Variants in SSH2 observed in about 807,000 individuals in gnomAD.
SSH2 encodes the protein protein phosphatase Slingshot homolog 2.
SSH2 carries 37 observed loss-of-function variants against 135.2 expected under a neutral mutation model. The observed-to-expected ratio is 0.27, with a 90% CI of 0.21 to 0.36. The LOEUF is 0.36. Among genes scored for constraint, SSH2 ranks in the 10% least tolerant of loss-of-function variants. The probability of loss-of-function intolerance (pLI) is 1.00; values close to 1 mark genes in which losing one functional copy is unlikely to be tolerated. For synonymous variants in SSH2, 628 were observed against 646.2 expected (o/e 0.97, Z 0.43); for missense variants, 1,408 against 1,765.3 (o/e 0.80, Z 3.63).
chr17:29,635,942 C>T (rs759583307), intron 15 of SSH2, 26 bp downstream of exon 15: 9 of 1,524,316 alleles, frequency 5.9e-6, no homozygotes, highest in East Asian at 4.5e-5. Context: ...CTTCATTAGG[C>T]GGAAAACTAT....
Position 29,632,755 on chromosome 17 carries a change from A to G in SSH2, c.2439T>C (p.His813=). ...TCTGGGCCCTCTCAAGGAGCAGCTC[A>G]TGGATGCTGTTCTTCTTTGGTGTAT... is the stretch of plus-strand genomic sequence containing the variant. ...PCHTPKKNSI[H]ELLLERAQTP... The change falls in exon 16 of 16, where the codon CAT becomes CAC. Residue 813 remains histidine, a synonymous_variant. Coordinates refer to ENST00000540801, the MANE Select transcript of SSH2 (RefSeq NM_001282129.2). 1.2e-6 allele frequency: 2 copies of G among 1,614,200 alleles called. No individual in the cohort carries two copies. Among genetic ancestry groups the G allele is most frequent in the Admixed American group, 3.3e-5 (2 of 60,028 alleles).
chr17:29,824,223 T>G (rs539383064), intron 2 of SSH2, among the ~76,000 whole-genome samples: 96 of 152,260 alleles, frequency 6.3e-4, no homozygotes, highest in Admixed American at 1.8e-3. Flanking sequence ...TAAGGAAAAC[T>G]ATCATCTTAC....
At chr17:29,857,066 C>T (rs1272315014) in intron 1 of SSH2, among the ~76,000 whole-genome samples, 2 of 152,066 alleles carry the variant, frequency 1.3e-5, no homozygotes, top group Non-Finnish European at 2.9e-5. Context: ...ATTTCAAAAC[C>T]AATCATGCCT....
chr17:29,849,472 C>T (rs1259860345), intron 1 of SSH2, among the ~76,000 whole-genome samples: 1 of 138,922 alleles, frequency 7.2e-6, no homozygotes, highest in African/African-American at 2.8e-5. Context: ...GAGCGAGACT[C>T]CGTCTCAAAA....
At chr17:29,659,745 G>A (rs1479580177) in intron 11 of SSH2, among the ~76,000 whole-genome samples, 1 of 152,188 alleles carries the variant, frequency 6.6e-6, no homozygotes, top group African/African-American at 2.4e-5. Flanking sequence ...AGCCAGGATG[G>A]TCTAGATCTC....
At chr17:29,635,571 C>G (rs557392270) in intron 15 of SSH2, among the ~76,000 whole-genome samples, 1 of 151,534 alleles carries the variant, frequency 6.6e-6, no homozygotes, top group Non-Finnish European at 1.5e-5. Context: ...CCACACCTGG[C>G]TAATTTTTTG....
At chr17:29,715,824 G>A (rs2039604011) in intron 3 of SSH2, among the ~76,000 whole-genome samples, 1 of 152,162 alleles carries the variant, frequency 6.6e-6, no homozygotes, top group African/African-American at 2.4e-5. Context: ...CACGGTCTCA[G>A]TGCAAGGATA....
chr17:29,720,975 C>G (rs924761895), intron 3 of SSH2, among the ~76,000 whole-genome samples: 1 of 152,196 alleles, frequency 6.6e-6, no homozygotes, highest in African/African-American at 2.4e-5. Context: ...AAAATTCACT[C>G]TACTGGTTTC....
intron 5 of SSH2, 149 bp from the exon 6 acceptor site, chr17:29,684,833 C>G (rs2151078525): frequency 1.6e-6 from 1 of 610,304 alleles, no homozygotes; most frequent in East Asian, 3.3e-5. Context: ...TCAGCTCGTA[C>G]ACTAGCTATA....
intron 3 of SSH2, among the ~76,000 whole-genome samples, chr17:29,738,679 A>G (rs988153439): frequency 6.0e-5 from 9 of 151,194 alleles, no homozygotes; most frequent in African/African-American, 1.9e-4. Flanking sequence ...TCAGCCTCCC[A>G]AGTAGCTGGG....
chr17:29,806,037 C>T (rs760755452), intron 2 of SSH2, among the ~76,000 whole-genome samples: 2 of 152,142 alleles, frequency 1.3e-5, no homozygotes, highest in Non-Finnish European at 2.9e-5. Flanking sequence ...GCTAATTTCA[C>T]TATATTTTGT....
At chr17:29,658,666 C>T (rs1220526587) in intron 11 of SSH2, among the ~76,000 whole-genome samples, 3 of 151,892 alleles carry the variant, frequency 2.0e-5, no homozygotes, top group African/African-American at 7.3e-5. Flanking sequence ...TTGGGAGTTA[C>T]AGACCAGCCT....
chr17:29,761,044 T>C (rs1038243812), intron 3 of SSH2: 82 of 1,171,664 alleles, frequency 7.0e-5, no homozygotes, highest in Non-Finnish European at 8.6e-5. Flanking sequence ...GGATGCGCGC[T>C]CGCCCTCGCT....
At chr17:29,716,710 C>A in intron 3 of SSH2, 2 of 591,760 alleles carry the variant, frequency 3.4e-6, no homozygotes, top group Non-Finnish European at 3.2e-6. Context: ...TGGAAGATGG[C>A]AGTTCCGGCT....
chr17:29,716,649 T>C (rs1476600041), intron 3 of SSH2: 12 of 656,740 alleles, frequency 1.8e-5, no homozygotes, highest in Non-Finnish European at 3.4e-5. Context: ...CTAGAGAACA[T>C]ATATCGGGTG....
At chr17:29,832,701 T>C (rs542591918) in intron 2 of SSH2, among the ~76,000 whole-genome samples, 1 of 152,270 alleles carries the variant, frequency 6.6e-6, no homozygotes, top group South Asian at 2.1e-4. Flanking sequence ...GAGACAGTCT[T>C]ACCCTACTGC....
At chr17:29,642,882 C>T (rs574968016) in intron 14 of SSH2, among the ~76,000 whole-genome samples, 11 of 152,196 alleles carry the variant, frequency 7.2e-5, no homozygotes, top group Admixed American at 3.9e-4. Flanking sequence ...AGTGAATGCC[C>T]TCAAACAGAG....
intron 3 of SSH2, among the ~76,000 whole-genome samples, chr17:29,721,301 T>C (rs1315792803): frequency 1.4e-5 from 2 of 140,898 alleles, no homozygotes; most frequent in Non-Finnish European, 3.2e-5. Context: ...TCATTATATA[T>C]TTGCTCCAGC....
intron 1 of SSH2, among the ~76,000 whole-genome samples, chr17:29,900,801 AT>A (rs1286777008): frequency 2.6e-5 from 4 of 152,174 alleles, no homozygotes; most frequent in African/African-American, 9.7e-5. Flanking sequence ...AGGACTATAA[AT>A]CATGCTGCTA....
Sources: gnomAD v4.1 joint callset for allele counts (sites outside exome capture counted in the v4.1 genomes callset) on GRCh38, gnomAD v4.1.1 for gene constraint, MANE v1.5 for transcripts, NCBI Gene and HGNC (gene_info 2026-07-23, HGNC 2026-07-21) for gene names.